Variants in RMRP observed in about 807,000 individuals in gnomAD.
The protein encoded by RMRP is RNA component of mitochondrial RNA processing endoribonuclease.
In RMRP at chr9:35,658,016, A is replaced by ACCACGTCCT. The variant is rs1554651365; in HGVS notation, n.1_2insAGGACGTGG. ...CCTAGGATACAGGCCTTCAGCACGA[A>ACCACGTCCT]CCACGTCCTCAGCTTCACAGAGTAG... On this transcript the variant is annotated non_coding_transcript_exon_variant, in exon 1 of 1. Transcript: ENST00000363046. 1.4e-6 allele frequency: 1 copy of ACCACGTCCT among 690,474 alleles called. No homozygotes were observed. Among genetic ancestry groups the ACCACGTCCT allele is most frequent in the Non-Finnish European group, 2.7e-6 (1 of 376,970 alleles). The allele number at this position is 690,474 out of a possible 1,614,324, so 42.8% of individuals were successfully genotyped here.
At chr9:35,657,920 GCA>G in exon 1 of RMRP, 1 of 700,392 alleles carries the variant, frequency 1.4e-6, no homozygotes, top group Non-Finnish European at 2.6e-6. Flanking sequence ...TATGCACGTG[GCA>G]CTCTCTGCCC....
exon 1 of RMRP, chr9:35,657,806 C>G (rs145720742): frequency 1.4e-6 from 1 of 692,208 alleles, no homozygotes; most frequent in Non-Finnish European, 2.6e-6. Context: ...GCACTGCCTG[C>G]GTAACTAGAG....
rs1587918082 is a variant in RMRP at position 35,657,843 on chromosome 9, C to CACGCCGCTCAGCGGGAT, written n.158_174dup. 3 of 700,352 alleles carry CACGCCGCTCAGCGGGAT rather than the reference C, an allele frequency of 4.3e-6. No individual in the cohort carries two copies. The highest frequency in any genetic ancestry group is 7.8e-6 in the Non-Finnish European group (3 of 384,846). The allele number at this position is 700,352 out of a possible 1,614,324, so 43.4% of individuals were successfully genotyped here. ...GAGCTGACGGATGACGCCCCCGCGC[C>CACGCCGCTCAGCGGGAT]ACGCCGCTCAGCGGGATACGCTTCT... On this transcript the variant is annotated non_coding_transcript_exon_variant, in exon 1 of 1. Transcript: ENST00000363046.
Position 35,657,873 on chromosome 9 carries a change from G to C in RMRP, n.145C>G, listed in dbSNP as rs757576534. ...CGCTCAGCGGGATACGCTTCTTGGC[G>C]GACTTTGGAGTGGGAAGCGGGGAAT... On this transcript the variant is annotated non_coding_transcript_exon_variant, in exon 1 of 1. Transcript: ENST00000363046. 7 of 694,012 alleles carry C rather than the reference G, an allele frequency of 1.0e-5. No individual in the cohort carries two copies. Among genetic ancestry groups the C allele is most frequent in the South Asian group, 4.4e-5 (3 of 67,508 alleles). 43.0% of individuals were successfully genotyped at this position (694,012 alleles called of 1,614,324 possible).
At chr9:35,657,922 ACT>A (rs1387787277) in exon 1 of RMRP, 6 of 700,076 alleles carry the variant, frequency 8.6e-6, no homozygotes, top group Non-Finnish European at 1.6e-5. Context: ...TGCACGTGGC[ACT>A]CTCTGCCCGA....
rs747605028 is a variant in RMRP at position 35,657,904 on chromosome 9, C to A, written n.114G>T. The A allele has an allele frequency of 4.7e-5, 33 of 700,320 alleles. No individual in the cohort carries two copies. Among genetic ancestry groups the A allele is most frequent in the South Asian group, 4.6e-4 (31 of 67,514 alleles). 43.4% of individuals were successfully genotyped at this position (700,320 alleles called of 1,614,324 possible). On this transcript the variant is annotated non_coding_transcript_exon_variant, in exon 1 of 1. Transcript: ENST00000363046. ...TGGAGTGGGAAGCGGGGAATGTCTA[C>A]GTGCGTATGCACGTGGCACTCTCTG...
chr9:35,657,912 T>TG, exon 1 of RMRP: 1 of 699,918 alleles, frequency 1.4e-6, no homozygotes, highest in Non-Finnish European at 2.6e-6. Context: ...TACGTGCGTA[T>TG]GCACGTGGCA....
chr9:35,657,859 A>C (rs754810221), exon 1 of RMRP: 4 of 694,274 alleles, frequency 5.8e-6, no homozygotes, highest in Admixed American at 2.0e-5. Flanking sequence ...GCTCAGCGGG[A>C]TACGCTTCTT....
exon 1 of RMRP, chr9:35,657,998 T>G (rs1386778989): frequency 1.4e-6 from 1 of 697,258 alleles, no homozygotes. Context: ...TAGCCTAGGA[T>G]ACAGGCCTTC....
chr9:35,657,976 G>C lies in RMRP; in HGVS notation n.42C>G. ...CCTAGGCGGAAAGGGGAGGAACAGA[G>C]TCCTCAGTGTGTAGCCTAGGATACA... On this transcript the variant is annotated non_coding_transcript_exon_variant, in exon 1 of 1. Transcript: ENST00000363046. 2 of 700,458 alleles carry C rather than the reference G, an allele frequency of 2.9e-6. No homozygotes were observed. The highest frequency in any genetic ancestry group is 5.4e-5 in the East Asian group (2 of 37,288). 43.4% of individuals were successfully genotyped at this position (700,458 alleles called of 1,614,324 possible).
exon 1 of RMRP, chr9:35,658,000 C>T (rs910861550): frequency 2.9e-6 from 2 of 696,748 alleles, no homozygotes; most frequent in South Asian, 1.5e-5. Context: ...GCCTAGGATA[C>T]AGGCCTTCAG....
In RMRP at chr9:35,657,855, C is replaced by T. The variant is rs1405507797; in HGVS notation, n.163G>A. 2.9e-6 allele frequency: 2 copies of T among 693,938 alleles called. No homozygotes were observed. Among genetic ancestry groups the T allele is most frequent in the East Asian group, 2.7e-5 (1 of 37,282 alleles). The allele number at this position is 693,938 out of a possible 1,614,324, so 43.0% of individuals were successfully genotyped here. On this transcript the variant is annotated non_coding_transcript_exon_variant, in exon 1 of 1. Transcript: ENST00000363046. Reference sequence around the variant, plus strand: ...GACGCCCCCGCGCCACGCCGCTCAGCGGGATACGCTTCTTGGCGGACTTTG... The same window carrying T: ...GACGCCCCCGCGCCACGCCGCTCAGTGGGATACGCTTCTTGGCGGACTTTG...
downstream of RMRP, chr9:35,657,753 A>C (rs557906740): frequency 2.5e-5 from 17 of 684,628 alleles, no homozygotes; most frequent in South Asian, 2.6e-4. Context: ...AACAAAAAAC[A>C]GCCGCGCTGA....
In RMRP at chr9:35,657,962, AG is replaced by A. The variant is rs151011853; in HGVS notation, n.55del. The A allele has an allele frequency of 1.4e-6, 1 of 700,442 alleles. No individual in the cohort carries two copies. Among genetic ancestry groups the A allele is most frequent in the Middle Eastern group, 3.7e-4 (1 of 2,738 alleles). 43.4% of individuals were successfully genotyped at this position (700,442 alleles called of 1,614,324 possible). On this transcript the variant is annotated non_coding_transcript_exon_variant, in exon 1 of 1. Transcript: ENST00000363046. Reference sequence around the variant, plus strand: ...TCCGGGGACTTTCCCCTAGGCGGAAAGGGGAGGAACAGAGTCCTCAGTGTGT... The same window carrying A: ...TCCGGGGACTTTCCCCTAGGCGGAAAGGGAGGAACAGAGTCCTCAGTGTGT...
At chr9:35,657,796 G>T (rs1364719732) in exon 1 of RMRP, 1 of 699,870 alleles carries the variant, frequency 1.4e-6, no homozygotes, top group African/African-American at 1.7e-5. Flanking sequence ...GCGCGGACAC[G>T]CACTGCCTGC....
Position 35,657,900 on chromosome 9 carries a change from T to C in RMRP, n.118A>G, listed in dbSNP as rs571254176. 14 of 698,104 alleles carry C rather than the reference T, an allele frequency of 2.0e-5. No individual in the cohort carries two copies. The highest frequency in any genetic ancestry group is 2.9e-5 in the Non-Finnish European group (11 of 384,770). The allele number at this position is 698,104 out of a possible 1,614,324, so 43.2% of individuals were successfully genotyped here. A position where few individuals can be genotyped will look rare whatever the true frequency, so the allele number is the denominator to read the frequency against. On this transcript the variant is annotated non_coding_transcript_exon_variant, in exon 1 of 1. Coordinates refer to ENST00000363046, the Ensembl canonical transcript of RMRP. ...ACTTTGGAGTGGGAAGCGGGGAATG[T>C]CTACGTGCGTATGCACGTGGCACTC...
At chr9:35,657,927 C>G (rs940193083) in exon 1 of RMRP, 3 of 700,350 alleles carry the variant, frequency 4.3e-6, no homozygotes, top group Non-Finnish European at 7.8e-6. Context: ...GTGGCACTCT[C>G]TGCCCGAGGT....
chr9:35,657,767 T>G (rs748268184), exon 1 of RMRP: 1 of 692,822 alleles, frequency 1.4e-6, no homozygotes. Flanking sequence ...GCGCTGAGAA[T>G]GAGCCCCGTG....
chr9:35,657,953 T>G lies in RMRP; in HGVS notation n.65A>C. 1 of 700,432 alleles carries G rather than the reference T, an allele frequency of 1.4e-6. No homozygotes were observed. Among genetic ancestry groups the G allele is most frequent in the African/African-American group, 1.7e-5 (1 of 57,320 alleles). The allele number at this position is 700,432 out of a possible 1,614,324, so 43.4% of individuals were successfully genotyped here. ...TGCCCGAGGTCCGGGGACTTTCCCC[T>G]AGGCGGAAAGGGGAGGAACAGAGTC... On this transcript the variant is annotated non_coding_transcript_exon_variant, in exon 1 of 1. Coordinates refer to ENST00000363046, the Ensembl canonical transcript of RMRP.
Sources: gnomAD v4.1 joint callset for allele counts on GRCh38, gnomAD v4.1.1 for gene constraint, MANE v1.5 for transcripts, NCBI Gene and HGNC (gene_info 2026-07-23, HGNC 2026-07-21) for gene names.